Variants in PRKAR2A observed in about 807,000 individuals in gnomAD.
PRKAR2A encodes protein kinase cAMP-dependent type II regulatory subunit alpha, also known as cAMP-dependent protein kinase type II-alpha regulatory subunit.
PRKAR2A carries 29 observed loss-of-function variants against 51.9 expected under a neutral mutation model. The ratio of observed to expected loss-of-function variants is 0.56; its 90% confidence interval spans 0.42 to 0.76. The LOEUF (loss-of-function observed/expected upper bound fraction) is 0.76. Among genes scored for constraint, PRKAR2A ranks in the 30% least tolerant of loss-of-function variants. The pLI is 0.00. For missense variants in PRKAR2A, 445 were observed against 512.1 expected, an observed-to-expected ratio of 0.87 and a Z score of 1.26; for synonymous variants, 178 against 186.2, an observed-to-expected ratio of 0.96 and a Z score of 0.36.
intron 4 of PRKAR2A, among the ~76,000 whole-genome samples, chr3:48,788,428 T>C (rs1286493127): frequency 4.6e-5 from 7 of 152,150 alleles, no homozygotes; most frequent in Non-Finnish European, 1.0e-4. Flanking sequence ...TCTCCCAAAG[T>C]GCTGGGTGCT....
At chr3:48,807,126 T>C (rs2082686347) in intron 2 of PRKAR2A, among the ~76,000 whole-genome samples, 1 of 152,164 alleles carries the variant, frequency 6.6e-6, no homozygotes, top group Non-Finnish European at 1.5e-5. Context: ...TGTGAAGTAC[T>C]ATTTTACATT....
chr3:48,814,564 T>C (rs2082842198), intron 1 of PRKAR2A, among the ~76,000 whole-genome samples: 1 of 152,242 alleles, frequency 6.6e-6, no homozygotes, highest in African/African-American at 2.4e-5. Flanking sequence ...AAATATTTTT[T>C]GAATCTTGAT....
intron 9 of PRKAR2A, among the ~76,000 whole-genome samples, chr3:48,753,778 C>A (rs1430894713): frequency 6.6e-6 from 1 of 152,186 alleles, no homozygotes; most frequent in Non-Finnish European, 1.5e-5. Context: ...TGCTGCTGAT[C>A]TTATGCACCT....
intron 3 of PRKAR2A, among the ~76,000 whole-genome samples, chr3:48,791,095 T>G (rs1313908525): frequency 6.6e-6 from 1 of 151,790 alleles, no homozygotes; most frequent in African/African-American, 2.4e-5. Context: ...GAGACCATCT[T>G]GGCCAACGTG....
At chr3:48,825,056 C>CA (rs2083039921) in intron 1 of PRKAR2A, among the ~76,000 whole-genome samples, 2 of 90,124 alleles carry the variant, frequency 2.2e-5, no homozygotes, top group Non-Finnish European at 4.0e-5. Context: ...TTTTTGGAGA[C>CA]AGAGTTTCAC....
intron 1 of PRKAR2A, among the ~76,000 whole-genome samples, chr3:48,829,847 G>GTGTA (rs777532795): frequency 0.019 from 1,234 of 63,664 alleles, 14 homozygotes; most frequent in Middle Eastern, 0.054. Context: ...ATGCGTGTGT[G>GTGTA]TATATATATA....
At chr3:48,807,412 G>GA (rs1446093148) in intron 2 of PRKAR2A, among the ~76,000 whole-genome samples, 2 of 151,946 alleles carry the variant, frequency 1.3e-5, no homozygotes, top group Non-Finnish European at 2.9e-5. Context: ...TTATAAACAT[G>GA]AAAAAACAGT....
chr3:48,833,787 G>C (rs2083234097), intron 1 of PRKAR2A, among the ~76,000 whole-genome samples: 1 of 150,740 alleles, frequency 6.6e-6, no homozygotes, highest in Admixed American at 6.6e-5. Flanking sequence ...TGTATTCCCA[G>C]CACTTTGGGA....
intron 1 of PRKAR2A, among the ~76,000 whole-genome samples, chr3:48,809,730 T>A (rs1393328363): frequency 1.3e-5 from 2 of 151,734 alleles, no homozygotes; most frequent in Non-Finnish European, 2.9e-5. Flanking sequence ...TCAATATGGA[T>A]CTCATTCAAT....
chr3:48,809,878 C>G (rs1051646360), intron 1 of PRKAR2A, among the ~76,000 whole-genome samples: 10 of 152,124 alleles, frequency 6.6e-5, no homozygotes, highest in African/African-American at 2.4e-4. Flanking sequence ...ACAGATCCAC[C>G]TGAGTCATTC....
intron 3 of PRKAR2A, among the ~76,000 whole-genome samples, chr3:48,791,415 A>G (rs2082383445): frequency 1.3e-5 from 2 of 148,226 alleles, no homozygotes; most frequent in Admixed American, 1.4e-4. Context: ...ACCAACATGG[A>G]TAAACCCCAT....
chr3:48,840,667 C>A (rs2107465110), intron 1 of PRKAR2A, among the ~76,000 whole-genome samples: 1 of 141,736 alleles, frequency 7.1e-6, no homozygotes, highest in East Asian at 2.1e-4. Context: ...AGCTCTGCCT[C>A]CTGGGTTCAC....
chr3:48,821,936 T>C (rs1305963142), intron 1 of PRKAR2A, among the ~76,000 whole-genome samples: 1 of 128,526 alleles, frequency 7.8e-6, no homozygotes, highest in African/African-American at 2.9e-5. Flanking sequence ...AAAAAAAGAA[T>C]GAAAACAGGG....
intron 2 of PRKAR2A, among the ~76,000 whole-genome samples, chr3:48,795,880 C>T (rs1010716839): frequency 2.6e-5 from 4 of 152,218 alleles, no homozygotes; most frequent in South Asian, 4.1e-4. Context: ...AGTAAATAAA[C>T]GAACACACAG....
chr3:48,815,500 T>C (rs565651194), intron 1 of PRKAR2A, among the ~76,000 whole-genome samples: 2 of 144,556 alleles, frequency 1.4e-5, no homozygotes, highest in African/African-American at 2.6e-5. Context: ...ATTGAGACCA[T>C]CCTAGCTAAC....
rs1056249357 is a variant in PRKAR2A at position 48,765,487 on chromosome 3, G to A, written c.697-138C>T. 5.1e-5 allele frequency: 33 copies of A among 648,206 alleles called. No homozygotes were observed. The Admixed American group carries it at 1.1e-3, about 21-fold the overall frequency. The allele number at this position is 648,206 out of a possible 1,614,324, so 40.2% of individuals were successfully genotyped here. Reference sequence around the variant, plus strand: ...AAGTGTTTAATGATACTTCAATCTTGAGTCATCACTGGAAGTAAAGGACCT... The same window carrying A: ...AAGTGTTTAATGATACTTCAATCTTAAGTCATCACTGGAAGTAAAGGACCT... On this transcript the variant is annotated intron_variant, in intron 6 of 10. Transcript: ENST00000265563.
At chr3:48,772,316 G>A (rs957110530) in intron 6 of PRKAR2A, among the ~76,000 whole-genome samples, 1 of 151,990 alleles carries the variant, frequency 6.6e-6, no homozygotes, top group Non-Finnish European at 1.5e-5. Flanking sequence ...GCGTGATCTT[G>A]GCTCACTGCA....
intron 1 of PRKAR2A, among the ~76,000 whole-genome samples, chr3:48,827,300 C>T (rs2083084320): frequency 6.7e-6 from 1 of 149,756 alleles, no homozygotes; most frequent in South Asian, 2.1e-4. Context: ...CCCAAAAGAA[C>T]CCTCAAGAAC....
In PRKAR2A at chr3:48,773,035, A is replaced by C; in HGVS notation, c.616T>G (p.Phe206Val). 1 of 1,613,952 alleles carries C rather than the reference A, an allele frequency of 6.2e-7. No individual in the cohort carries two copies. The highest frequency in any genetic ancestry group is 8.5e-7 in the Non-Finnish European group (1 of 1,179,906). Residue 206 changes from phenylalanine to valine, a missense_variant, in exon 6 of 11, where the codon TTT becomes GTT. By Grantham distance (50) the Phe-to-Val change is conservative (BLOSUM62 -1). Transcript: ENST00000265563. ...SVGQYDNRGS[F>V]GELALMYNTP... ...TTGTACATCAGAGCTAGTTCTCCAA[A>C]ACTGCCACGGTTGTCATATTGACCA... is the stretch of plus-strand genomic sequence containing the variant.
Sources: gnomAD v4.1 joint callset for allele counts (sites outside exome capture counted in the v4.1 genomes callset) on GRCh38, gnomAD v4.1.1 for gene constraint, MANE v1.5 for transcripts, NCBI Gene and HGNC (gene_info 2026-07-23, HGNC 2026-07-21) for gene names.